C18orf63: variants seen among roughly 807,000 people sequenced by gnomAD.
C18orf63 encodes uncharacterized protein C18orf63.
C18orf63 carries 50 observed loss-of-function variants against 75.3 expected under a neutral mutation model. That is an observed-to-expected ratio of 0.66 (90% CI 0.53 to 0.84). C18orf63 has a LOEUF of 0.84. C18orf63 is among the 40% of genes least tolerant of loss of function. The probability of loss-of-function intolerance (pLI) is 0.00; values close to 1 mark genes in which losing one functional copy is unlikely to be tolerated. For synonymous variants in C18orf63, 232 were observed against 267.6 expected (o/e 0.87, Z 1.30); for missense variants, 732 against 800.2 (o/e 0.91, Z 1.03).
chr18:74,344,095 G>A (rs575524252), intron 11 of C18orf63, among the ~76,000 whole-genome samples: 17 of 152,128 alleles, frequency 1.1e-4, no homozygotes, highest in Non-Finnish European at 1.8e-4. Context: ...GGCTTCTATG[G>A]AACCACTTAG....
At chr18:74,339,216 A>G (rs1185718850) in intron 8 of C18orf63, among the ~76,000 whole-genome samples, 1 of 152,098 alleles carries the variant, frequency 6.6e-6, no homozygotes, top group Non-Finnish European at 1.5e-5. Flanking sequence ...ATAATTTGTT[A>G]CTAGTATAAG....
At chr18:74,328,401 C>T (rs577862578) in intron 5 of C18orf63, among the ~76,000 whole-genome samples, 2 of 152,154 alleles carry the variant, frequency 1.3e-5, no homozygotes, top group African/African-American at 2.4e-5. Context: ...CCACCGGGTC[C>T]TTCCCACAAC....
At chr18:74,318,162 A>G (rs1233018494) in intron 2 of C18orf63, among the ~76,000 whole-genome samples, 163 bp downstream of exon 2, 1 of 152,236 alleles carries the variant, frequency 6.6e-6, no homozygotes, top group Non-Finnish European at 1.5e-5. Context: ...ATATTGGATT[A>G]TATTTAAGGA....
intron 11 of C18orf63, 135 bp downstream of exon 11, chr18:74,343,837 A>G: frequency 2.3e-6 from 1 of 441,242 alleles, no homozygotes; most frequent in Non-Finnish European, 3.9e-6. Flanking sequence ...TGCTTCCCTA[A>G]AACTATTTGT....
chr18:74,328,985 A>AT lies in C18orf63; in HGVS notation c.383-4dup. On this transcript the variant is annotated splice_polypyrimidine_tract_variant and intron_variant, in intron 5 of 13. Transcript: ENST00000579455. ...TGTAATAACATGGCATATTCTATGA[A>AT]TTTTTTAAGGAAGAGATTTTCTTTC... The AT allele has an allele frequency of 6.8e-7, 1 of 1,465,820 alleles. No individual in the cohort carries two copies. Among genetic ancestry groups the AT allele is most frequent in the Non-Finnish European group, 9.2e-7 (1 of 1,083,090 alleles). 90.8% of individuals were successfully genotyped at this position (1,465,820 alleles called of 1,614,324 possible). A position where few individuals can be genotyped will look rare whatever the true frequency, so the allele number is the denominator to read the frequency against.
chr18:74,355,259 A>G (rs972403138), intron 13 of C18orf63, among the ~76,000 whole-genome samples: 1 of 152,194 alleles, frequency 6.6e-6, no homozygotes, highest in Non-Finnish European at 1.5e-5. Context: ...AATTAACCAG[A>G]AAGTATTTGA....
intron 7 of C18orf63, among the ~76,000 whole-genome samples, chr18:74,334,335 AGAG>A (rs746911450): frequency 2.6e-5 from 4 of 151,738 alleles, no homozygotes. Context: ...AGGGGAGAAA[AGAG>A]GAGGAGGGTA....
At chr18:74,335,717 T>A (rs1984380726) in intron 7 of C18orf63, among the ~76,000 whole-genome samples, 1 of 152,160 alleles carries the variant, frequency 6.6e-6, no homozygotes, top group African/African-American at 2.4e-5. Flanking sequence ...GGATATTTAC[T>A]GGGTACTACT....
chr18:74,329,051 A>G lies in C18orf63; in HGVS notation c.424+15A>G, dbSNP rs1984257455. 3.5e-6 allele frequency: 5 copies of G among 1,434,118 alleles called. No individual in the cohort carries two copies. The highest frequency in any genetic ancestry group is 2.5e-5 in the East Asian group (1 of 40,378). 88.8% of individuals were successfully genotyped at this position (1,434,118 alleles called of 1,614,324 possible). A position where few individuals can be genotyped will look rare whatever the true frequency, so the allele number is the denominator to read the frequency against. On this transcript the variant is annotated intron_variant, in intron 6 of 13. Transcript: ENST00000579455. ...AAGTGCTGTTGGTAAGTAAAAATGC[A>G]TAAGTCAATAGATAAAACAATATAA...
At chr18:74,319,098 G>C (rs535508384) in intron 2 of C18orf63, among the ~76,000 whole-genome samples, 59 of 152,250 alleles carry the variant, frequency 3.9e-4, no homozygotes, top group African/African-American at 1.4e-3. Flanking sequence ...TCCTGCTAAA[G>C]TATAATATGA....
intron 11 of C18orf63, among the ~76,000 whole-genome samples, chr18:74,351,231 T>C (rs1411479114): frequency 6.6e-6 from 1 of 152,184 alleles, no homozygotes; most frequent in Admixed American, 6.5e-5. Context: ...AGGAGTATTG[T>C]CCTCTATAAT....
intron 4 of C18orf63, among the ~76,000 whole-genome samples, chr18:74,324,801 A>C (rs1163052180): frequency 6.6e-6 from 1 of 152,022 alleles, no homozygotes; most frequent in Admixed American, 6.6e-5. Context: ...TTCTGTTTAC[A>C]CTCTTATCCT....
At position 74,317,843 on chromosome 18, in the gene C18orf63, C is replaced by A. The variant is rs1167515354; in HGVS notation, c.-23C>A. On this transcript the variant is annotated 5_prime_UTR_variant, in exon 2 of 14. It adds an upstream start codon to the 5' untranslated region. Coordinates refer to ENST00000579455, the MANE Select transcript of C18orf63 (RefSeq NM_001174123.2). ...CTGTTTATTTTTAAAGGCCTGATTG[C>A]TGAGACACTCAGTCAGGAAAGTATG... 5 of 1,509,436 alleles carry A rather than the reference C, an allele frequency of 3.3e-6. No individual in the cohort carries two copies. In the East Asian group the frequency reaches 1.2e-4, roughly 37 times the overall value. The allele number at this position is 1,509,436 out of a possible 1,614,324, so 93.5% of individuals were successfully genotyped here.
chr18:74,330,700 A>G (rs1410878176), intron 6 of C18orf63, among the ~76,000 whole-genome samples, 166 bp from the exon 7 acceptor site: 1 of 152,098 alleles, frequency 6.6e-6, no homozygotes, highest in Non-Finnish European at 1.5e-5. Context: ...TCTCATCTGT[A>G]AAGTGTCAAA....
chr18:74,343,907 G>A (rs1480388058), intron 11 of C18orf63, among the ~76,000 whole-genome samples: 1 of 152,038 alleles, frequency 6.6e-6, no homozygotes, highest in Non-Finnish European at 1.5e-5. Flanking sequence ...TGGTATTATA[G>A]TAGTAGTTGT....
At position 74,353,813 on chromosome 18, in the gene C18orf63, A is replaced by G. The variant is rs1341219538; in HGVS notation, c.1546A>G (p.Thr516Ala). The G allele has an allele frequency of 6.5e-7, 1 of 1,535,882 alleles. No homozygotes were observed. Among genetic ancestry groups the G allele is most frequent in the Admixed American group, 2.0e-5 (1 of 50,978 alleles). Reference sequence around the variant, plus strand: ...TTCCAGACCTCTGCAAGAAAAAAATACAGAGTCTTCTGAAAATATGACAAA... The same window carrying G: ...TTCCAGACCTCTGCAAGAAAAAAATGCAGAGTCTTCTGAAAATATGACAAA... ...ENSRPLQEKN[T>A]ESSENMTKFP... is the part of the protein sequence containing the mutation. Residue 516 changes from threonine (T) to alanine (A), a missense_variant, in exon 12 of 14, where the codon ACA becomes GCA. Transcript: ENST00000579455.
rs546676494 is a variant in C18orf63, at chr18:74,333,091, A to G, written c.501+2149A>G. 2.0e-5 allele frequency among the ~76,000 whole-genome samples: 3 copies of G among 152,332 alleles called. No individual in the cohort carries two copies. In the South Asian group the frequency reaches 6.2e-4, roughly 32 times the overall value. ...ACTAACCTGATGAGATACTGGCCCA[A>G]CATGCATGAACTGGGATATATAGTC... On this transcript the variant is annotated intron_variant, in intron 7 of 13. Transcript: ENST00000579455.
At chr18:74,348,431 T>G (rs1183339988) in intron 11 of C18orf63, among the ~76,000 whole-genome samples, 1 of 152,204 alleles carries the variant, frequency 6.6e-6, no homozygotes, top group East Asian at 1.9e-4. Context: ...GAACCAAATT[T>G]TGATCGATAA....
At chr18:74,351,581 A>G (rs994097421) in intron 11 of C18orf63, among the ~76,000 whole-genome samples, 2 of 152,230 alleles carry the variant, frequency 1.3e-5, no homozygotes, top group African/African-American at 4.8e-5. Flanking sequence ...CTCCAGCTGC[A>G]GAGTATCTAA....
Sources: allele counts gnomAD v4.1 joint callset (sites outside exome capture counted in the v4.1 genomes callset), GRCh38; gene constraint gnomAD v4.1.1; transcripts MANE v1.5; gene names NCBI Gene and HGNC (gene_info 2026-07-23, HGNC 2026-07-21).